The following PDE11A variants were observed in gnomAD, a reference collection of about 807,000 sequenced individuals.
The protein encoded by PDE11A is dual 3',5'-cyclic-AMP and -GMP phosphodiesterase 11A.
A neutral mutation model predicts 100.5 loss-of-function variants in PDE11A; 100 were observed. That is an observed-to-expected ratio of 1.00 (90% confidence interval 0.85 to 1.18). PDE11A has a LOEUF of 1.18. Among genes scored for constraint, PDE11A ranks in the 50% most tolerant of loss-of-function variants. The pLI, the probability that PDE11A is intolerant of heterozygous loss-of-function variation, is 0.00. For synonymous variants in PDE11A, 381 were observed against 420.8 expected (o/e 0.91, Z 1.16); for missense variants, 1,141 against 1,152.6 (o/e 0.99, Z 0.15).
At position 177,631,527 on chromosome 2, in the gene PDE11A, A is replaced by G. The variant is rs1559117232; in HGVS notation, c.2647-1965T>C. On this transcript the variant is annotated intron_variant, in intron 19 of 19. Transcript: ENST00000286063. ...AAAAAAAAAAAATATATATATATAT[A>G]TATATATATATATATATATACACAT... 6.5e-3 allele frequency among the ~76,000 whole-genome samples: 120 copies of G among 18,364 alleles called. 22 individuals carry two copies. The highest frequency in any genetic ancestry group is 0.018 in the East Asian group (6 of 342). 12.0% of individuals were successfully genotyped at this position (18,364 alleles called of 152,430 possible).
intron 10 of PDE11A, among the ~76,000 whole-genome samples, chr2:177,747,715 C>T (rs1411618300): frequency 6.6e-6 from 1 of 152,212 alleles, no homozygotes; most frequent in East Asian, 1.9e-4. Flanking sequence ...TATGGCCTGC[C>T]TTTTATCGTA....
intron 2 of PDE11A, among the ~76,000 whole-genome samples, chr2:178,013,000 A>C (rs1239012436): frequency 6.6e-6 from 1 of 152,234 alleles, no homozygotes; most frequent in African/African-American, 2.4e-5. Context: ...ATTGGAATAA[A>C]GTGGCCTACA....
chr2:177,766,971 A>T (rs1303844531), intron 10 of PDE11A, among the ~76,000 whole-genome samples: 1 of 152,228 alleles, frequency 6.6e-6, no homozygotes, highest in Non-Finnish European at 1.5e-5. Flanking sequence ...ATAGAAATGC[A>T]TACCAAATTC....
rs780132533 is a variant in PDE11A, at chr2:177,695,118, GT to G, written c.2345+2213del. On this transcript the variant is annotated intron_variant, in intron 15 of 19. Transcript: ENST00000286063. ...TTAAAAAGCTAAATGGGAGTTGTGT[GT>G]GGGGGGGGAGGGGTATAATTGCTAG... 5.8e-4 allele frequency among the ~76,000 whole-genome samples: 87 copies of G among 150,654 alleles called. 2 individuals carry two copies. The highest frequency in any genetic ancestry group is 3.4e-3 in the Middle Eastern group (1 of 292).
chr2:177,651,484 C>G (rs563015038), intron 19 of PDE11A, among the ~76,000 whole-genome samples: 1 of 152,282 alleles, frequency 6.6e-6, no homozygotes, highest in South Asian at 2.1e-4. Flanking sequence ...TCAGCCAAAC[C>G]TACGAGCCAG....
intron 19 of PDE11A, among the ~76,000 whole-genome samples, chr2:177,638,031 G>C (rs185083562): frequency 8.7e-6 from 1 of 115,298 alleles, no homozygotes; most frequent in Non-Finnish European, 1.7e-5. Context: ...ATGGAGTCTC[G>C]CTCTGTCACC....
At chr2:177,736,559 T>C (rs905633464) in intron 10 of PDE11A, among the ~76,000 whole-genome samples, 1 of 151,264 alleles carries the variant, frequency 6.6e-6, no homozygotes, top group African/African-American at 2.4e-5. Context: ...AAGAAGAATT[T>C]CCCCCTTTCA....
chr2:177,846,457 A>G (rs185470504), intron 5 of PDE11A, among the ~76,000 whole-genome samples: 2 of 152,268 alleles, frequency 1.3e-5, no homozygotes, highest in African/African-American at 2.4e-5. Flanking sequence ...AAAGGGCCCA[A>G]ATTATTTCTG....
chr2:177,781,131 T>C (rs185273410), intron 9 of PDE11A, among the ~76,000 whole-genome samples: 68 of 152,274 alleles, frequency 4.5e-4, no homozygotes, highest in African/African-American at 1.6e-3. Flanking sequence ...GAGGTCATTG[T>C]AGGGTTATTA....
At chr2:177,838,773 T>C (rs779770205) in intron 6 of PDE11A, among the ~76,000 whole-genome samples, 8 of 152,230 alleles carry the variant, frequency 5.3e-5, no homozygotes, top group Non-Finnish European at 1.2e-4. Flanking sequence ...CATCTGTAAA[T>C]CATTTTCAGT....
intron 2 of PDE11A, among the ~76,000 whole-genome samples, chr2:177,948,098 G>A (rs566525970): frequency 4.0e-5 from 6 of 151,490 alleles, no homozygotes; most frequent in Non-Finnish European, 5.9e-5. Flanking sequence ...TATACACTAC[G>A]TTTTCATTTA....
intron 2 of PDE11A, among the ~76,000 whole-genome samples, chr2:177,970,825 G>T (rs1359388997): frequency 6.6e-6 from 1 of 152,184 alleles, no homozygotes; most frequent in Admixed American, 6.5e-5. Flanking sequence ...TACAACAGGG[G>T]AAGACTAAGG....
intron 9 of PDE11A, among the ~76,000 whole-genome samples, chr2:177,798,549 G>C (rs2105549231): frequency 6.6e-6 from 1 of 152,226 alleles, no homozygotes; most frequent in Middle Eastern, 3.4e-3. Context: ...GTAGTACATA[G>C]ACTCCCCTGC....
chr2:178,090,969 G>C lies in PDE11A; in HGVS notation c.162+13333C>G, dbSNP rs930342754. Among the ~76,000 whole-genome samples, 4 of 152,346 alleles carry C rather than the reference G, an allele frequency of 2.6e-5. 1 individual carries two copies. The highest frequency in any genetic ancestry group is 3.9e-4 in the East Asian group (2 of 5,184). The stretch of plus-strand genomic sequence containing the variant: ...TAAGAGTAAGCCTGGGCACTTAGCA[G>C]ATTTAATGGAACCGTCTGGAAATCA... On this transcript the variant is annotated intron_variant, in intron 2 of 20. Coordinates refer to the PDE11A transcript ENST00000358450.
intron 1 of PDE11A, among the ~76,000 whole-genome samples, chr2:178,052,491 G>A (rs2086841802): frequency 6.6e-6 from 1 of 152,122 alleles, no homozygotes; most frequent in Admixed American, 6.5e-5. Flanking sequence ...AAAGCTAGCA[G>A]AAGGCAAGAA....
chr2:178,073,280 C>T (rs2087163277), upstream of PDE11A, among the ~76,000 whole-genome samples: 1 of 152,166 alleles, frequency 6.6e-6, no homozygotes, highest in South Asian at 2.1e-4. Flanking sequence ...TGCCCAGCGC[C>T]TTGTGGGTGC....
intron 2 of PDE11A, among the ~76,000 whole-genome samples, chr2:177,948,817 G>A (rs539947740): frequency 1.3e-5 from 2 of 152,244 alleles, no homozygotes; most frequent in South Asian, 4.2e-4. Context: ...GCTGAGGTAG[G>A]GGGGATTGCT....
intron 2 of PDE11A, among the ~76,000 whole-genome samples, chr2:177,956,451 C>T (rs2085563789): frequency 6.6e-6 from 1 of 152,208 alleles, no homozygotes. Context: ...AACATTTTTA[C>T]ACTGTTGGTG....
chr2:177,635,508 C>T (rs921980688), intron 19 of PDE11A, among the ~76,000 whole-genome samples: 26 of 152,206 alleles, frequency 1.7e-4, no homozygotes, highest in Non-Finnish European at 1.2e-4. Context: ...ATTTCATTCA[C>T]ACTCCACTGT....
Sources: gnomAD v4.1 joint callset for allele counts (sites outside exome capture counted in the v4.1 genomes callset) on GRCh38, gnomAD v4.1.1 for gene constraint, MANE v1.5 for transcripts, NCBI Gene and HGNC (gene_info 2026-07-23, HGNC 2026-07-21) for gene names.